The following ABCC4 variants were observed in gnomAD, a reference collection of about 807,000 sequenced individuals.
ABCC4 encodes ATP binding cassette subfamily C member 4 (PEL blood group).
A neutral mutation model predicts 168.5 loss-of-function variants in ABCC4; 102 were observed. The observed-to-expected ratio is 0.61, with a 90% CI of 0.52 to 0.71. The LOEUF (loss-of-function observed/expected upper bound fraction) is 0.71, where lower values mean the gene tolerates loss of function less well. Among genes scored for constraint, ABCC4 ranks in the 30% least tolerant of loss-of-function variants. The pLI, the probability that ABCC4 is intolerant of heterozygous loss-of-function variation, is 0.00. For missense variants in ABCC4, 1,402 were observed against 1,605.8 expected (o/e 0.87, Z 2.17); for synonymous variants, 617 against 590.7 (o/e 1.04, Z -0.65).
chr13:95,226,419 G>T (rs1317167329), intron 4 of ABCC4, among the ~76,000 whole-genome samples: 1 of 152,066 alleles, frequency 6.6e-6, no homozygotes, highest in Non-Finnish European at 1.5e-5. Context: ...AGAAAATATA[G>T]ATCAACAAAA....
chr13:95,241,630 C>T (rs74106537), intron 3 of ABCC4, among the ~76,000 whole-genome samples: 3,403 of 152,200 alleles, frequency 0.022, 153 homozygotes, highest in African/African-American at 0.078. Flanking sequence ...TGGAAATTTG[C>T]GGGCTGTTCT....
intron 13 of ABCC4, among the ~76,000 whole-genome samples, chr13:95,176,219 AGGGCAGGGGGGGG>A (rs1167379538): frequency 0.34 from 1,188 of 3,526 alleles, 31 homozygotes; most frequent in African/African-American, 0.41. Flanking sequence ...CAGGAAGCCG[AGGGCAGGGGGGGG>A]GGGGGGGGGG....
At chr13:95,225,179 A>G (rs1594334141) in intron 4 of ABCC4, among the ~76,000 whole-genome samples, 1 of 148,056 alleles carries the variant, frequency 6.8e-6, no homozygotes, top group Non-Finnish European at 1.5e-5. Context: ...ACACACACAC[A>G]CACACACACA....
intron 20 of ABCC4, among the ~76,000 whole-genome samples, chr13:95,102,397 C>T (rs560406677): frequency 2.0e-5 from 3 of 151,894 alleles, no homozygotes; most frequent in African/African-American, 4.8e-5. Context: ...CTTTCCAGGT[C>T]GGCCTCCCAA....
rs76587051 is a variant in ABCC4, at chr13:95,230,302, T to C, written c.531+4308A>G. The stretch of plus-strand genomic sequence containing the variant: ...CAATCCAAATTAAAGCTAGTCATGA[T>C]TCATAAAAACATCTCATTTAGTTCT... On this transcript the variant is annotated intron_variant, in intron 4 of 30. Coordinates refer to ENST00000645237, the MANE Select transcript of ABCC4 (RefSeq NM_005845.5). 3.9e-3 allele frequency among the ~76,000 whole-genome samples: 594 copies of C among 152,286 alleles called. 34 individuals carry two copies. In the East Asian group the frequency reaches 0.098, roughly 25 times the overall value.
At chr13:95,136,209 C>T (rs2036139705) in intron 19 of ABCC4, among the ~76,000 whole-genome samples, 1 of 151,886 alleles carries the variant, frequency 6.6e-6, no homozygotes, top group South Asian at 2.1e-4. Context: ...TTTTCACTCC[C>T]GTCTCAAAAA....
rs375894293 is a variant in ABCC4, at chr13:95,218,575, G to A, written c.532-7794C>T. ...TATACAGAAAGTTCTCCGTAGGCCA[G>A]GTAGGGTGGCTCATGCCTGTAATCC... On this transcript the variant is annotated intron_variant, in intron 4 of 30. Coordinates refer to ENST00000645237, the MANE Select transcript of ABCC4 (RefSeq NM_005845.5). Among the ~76,000 whole-genome samples, 157 of 152,286 alleles carry A rather than the reference G, an allele frequency of 1.0e-3. 1 individual carries two copies. The highest frequency in any genetic ancestry group is 6.8e-3 in the Middle Eastern group (2 of 294).
At chr13:95,181,207 A>G (rs1482824237) in intron 11 of ABCC4, among the ~76,000 whole-genome samples, 1 of 152,254 alleles carries the variant, frequency 6.6e-6, no homozygotes, top group Admixed American at 6.5e-5. Context: ...GACGCCATCT[A>G]ACCAGAATCC....
intron 20 of ABCC4, among the ~76,000 whole-genome samples, chr13:95,091,497 TC>T (rs1415360848): frequency 6.6e-6 from 1 of 152,156 alleles, no homozygotes; most frequent in Non-Finnish European, 1.5e-5. Flanking sequence ...ATCTTCAGCC[TC>T]CTCAAACAAA....
intron 1 of ABCC4, 123 bp downstream of exon 1, chr13:95,301,118 T>G: frequency 1.2e-5 from 11 of 893,662 alleles, no homozygotes; most frequent in East Asian, 3.5e-5. Context: ...CCGCGTGGCG[T>G]AGGAAAGCGC....
In ABCC4 at chr13:95,044,341, A is replaced by AC; in HGVS notation, c.3553dup (p.Val1185GlyfsTer17). ...CCTGAGAATTGCCCTGGCAAGGCACACCAGTTGTCTTTGTCCAACACTAAA... is the reference window on the plus strand; with the variant it reads ...CCTGAGAATTGCCCTGGCAAGGCACACCCAGTTGTCTTTGTCCAACACTAAA... On this transcript the variant is annotated frameshift_variant, in exon 28 of 31. Transcript: ENST00000645237. LOFTEE classifies it high-confidence loss of function. 1 of 1,613,912 alleles carries AC rather than the reference A, an allele frequency of 6.2e-7. No homozygotes were observed. The highest frequency in any genetic ancestry group is 8.5e-7 in the Non-Finnish European group (1 of 1,179,932).
At chr13:95,207,523 CATT>C (rs1287423857) in intron 7 of ABCC4, among the ~76,000 whole-genome samples, 2 of 152,204 alleles carry the variant, frequency 1.3e-5, no homozygotes, top group African/African-American at 2.4e-5. Flanking sequence ...ATCTTAGACT[CATT>C]GTTGGGATTT....
chr13:95,124,562 TA>T (rs55651091), intron 19 of ABCC4, among the ~76,000 whole-genome samples: 30,327 of 118,076 alleles, frequency 0.26, 3,467 homozygotes, highest in East Asian at 0.36. Flanking sequence ...CCCCCTTTCT[TA>T]AAAAAAAAAA....
intron 20 of ABCC4, among the ~76,000 whole-genome samples, chr13:95,115,097 C>T (rs1027274336): frequency 5.3e-5 from 8 of 151,968 alleles, no homozygotes; most frequent in African/African-American, 1.9e-4. Flanking sequence ...AGTGCCCCAG[C>T]TTGAACCACT....
intron 1 of ABCC4, among the ~76,000 whole-genome samples, chr13:95,251,856 G>A (rs1316616120): frequency 6.6e-6 from 1 of 152,170 alleles, no homozygotes; most frequent in Non-Finnish European, 1.5e-5. Flanking sequence ...CACAGGTTGA[G>A]TTACCCACAG....
intron 11 of ABCC4, among the ~76,000 whole-genome samples, chr13:95,181,180 C>T (rs919607796): frequency 2.6e-5 from 4 of 152,216 alleles, no homozygotes; most frequent in African/African-American, 9.7e-5. Context: ...AAAACCATGA[C>T]GTGGCTATGT....
chr13:95,024,310 A>T (rs2031272844), intron 30 of ABCC4, among the ~76,000 whole-genome samples: 1 of 152,078 alleles, frequency 6.6e-6, no homozygotes, highest in African/African-American at 2.4e-5. Flanking sequence ...GTGAAGCTTA[A>T]GGGAGACAAT....
chr13:95,287,632 T>A (rs148788970), intron 1 of ABCC4, among the ~76,000 whole-genome samples: 25 of 151,626 alleles, frequency 1.6e-4, no homozygotes, highest in African/African-American at 6.0e-4. Context: ...TTGGAGCCAG[T>A]CCCAGATACT....
At position 95,163,652 on chromosome 13, in the gene ABCC4, G is replaced by A; in HGVS notation, c.2176-5C>T. 6.2e-7 allele frequency: 1 copy of A among 1,610,554 alleles called. No homozygotes were observed. The highest frequency in any genetic ancestry group is 8.5e-7 in the Non-Finnish European group (1 of 1,177,898). On this transcript the variant is annotated splice_region_variant and splice_polypyrimidine_tract_variant and intron_variant, in intron 16 of 30. Transcript: ENST00000645237. ...ATCTTGAAGCACATAGGCAACCTAGGAGGGGAGAAACAACAAAGACAAAAA... is the reference window on the plus strand; with the variant it reads ...ATCTTGAAGCACATAGGCAACCTAGAAGGGGAGAAACAACAAAGACAAAAA...
Sources: allele counts gnomAD v4.1 joint callset (sites outside exome capture counted in the v4.1 genomes callset), GRCh38; gene constraint gnomAD v4.1.1; transcripts MANE v1.5; gene names NCBI Gene and HGNC (gene_info 2026-07-23, HGNC 2026-07-21).